ENTREP2: variants seen among roughly 807,000 people sequenced by gnomAD.
ENTREP2 encodes the protein protein ENTREP2.
chr15:29,304,037 TG>T, the ENTREP2 span, among the ~76,000 whole-genome samples: 2 of 152,024 alleles, frequency 1.3e-5, no homozygotes, highest in Non-Finnish European at 1.5e-5. Flanking sequence ...GCTGCCACCA[TG>T]CCCTGCTAAT....
chr15:29,478,203 T>A, the ENTREP2 span, among the ~76,000 whole-genome samples: 1 of 151,260 alleles, frequency 6.6e-6, no homozygotes, highest in African/African-American at 2.4e-5. Flanking sequence ...TTTTATTGTA[T>A]TTTTTAGTAG....
chr15:29,362,975 A>G, the ENTREP2 span, among the ~76,000 whole-genome samples: 1 of 152,210 alleles, frequency 6.6e-6, no homozygotes, highest in Non-Finnish European at 1.5e-5. Context: ...TAAATTTAAA[A>G]GAAGCGTATT....
At chr15:29,623,212 G>A in the ENTREP2 span, among the ~76,000 whole-genome samples, 1 of 152,122 alleles carries the variant, frequency 6.6e-6, no homozygotes, top group African/African-American at 2.4e-5. Context: ...GTTTCTCAAC[G>A]CTGAAACACA....
the ENTREP2 span, among the ~76,000 whole-genome samples, chr15:29,661,506 T>C: frequency 3.9e-5 from 6 of 152,326 alleles, no homozygotes; most frequent in South Asian, 1.2e-3. Flanking sequence ...GCCGAGAAGA[T>C]GTAATTTTAT....
chr15:29,269,150 T>C, the ENTREP2 span: 16 of 1,614,030 alleles, frequency 9.9e-6, no homozygotes, highest in Non-Finnish European at 1.2e-5. Context: ...TTCATAAAGA[T>C]GAGCCCTAAG....
the ENTREP2 span, among the ~76,000 whole-genome samples, chr15:29,133,919 G>A: frequency 1.3e-5 from 2 of 151,962 alleles, no homozygotes; most frequent in Non-Finnish European, 1.5e-5. Flanking sequence ...TGGGGGATAC[G>A]CTGTGCCTGT....
At chr15:29,551,458 C>T in the ENTREP2 span, among the ~76,000 whole-genome samples, 1 of 152,072 alleles carries the variant, frequency 6.6e-6, no homozygotes, top group African/African-American at 2.4e-5. Context: ...CATCTAAGAA[C>T]CCTGACCTCT....
chr15:29,491,160 G>A, the ENTREP2 span, among the ~76,000 whole-genome samples: 1 of 152,174 alleles, frequency 6.6e-6, no homozygotes, highest in Non-Finnish European at 1.5e-5. Flanking sequence ...GCACCAGTTG[G>A]CCACTCCGAG....
the ENTREP2 span, among the ~76,000 whole-genome samples, chr15:29,203,465 C>G: frequency 6.6e-6 from 1 of 152,136 alleles, no homozygotes; most frequent in African/African-American, 2.4e-5. Flanking sequence ...TCTGTTGTTT[C>G]CTGCCTTTTT....
At chr15:29,403,051 C>G in the ENTREP2 span, among the ~76,000 whole-genome samples, 1 of 152,106 alleles carries the variant, frequency 6.6e-6, no homozygotes, top group South Asian at 2.1e-4. Context: ...GGCGGCCAGT[C>G]TGAGTGAGAG....
At chr15:29,500,987 A>G in the ENTREP2 span, among the ~76,000 whole-genome samples, 1 of 152,062 alleles carries the variant, frequency 6.6e-6, no homozygotes, top group Non-Finnish European at 1.5e-5. Context: ...ATTCTTAGAA[A>G]CACACGATCT....
the ENTREP2 span, among the ~76,000 whole-genome samples, chr15:29,450,988 A>G: frequency 6.6e-6 from 1 of 152,174 alleles, no homozygotes; most frequent in African/African-American, 2.4e-5. Context: ...ATTCAGGAAA[A>G]AAAAAAACTG....
the ENTREP2 span, among the ~76,000 whole-genome samples, chr15:29,184,732 A>G: frequency 1.3e-5 from 2 of 152,080 alleles, no homozygotes; most frequent in Non-Finnish European, 2.9e-5. Context: ...AAATAATACT[A>G]GTAGGTTTTA....
At chr15:29,476,792 G>A in the ENTREP2 span, among the ~76,000 whole-genome samples, 11 of 152,254 alleles carry the variant, frequency 7.2e-5, no homozygotes, top group African/African-American at 1.4e-4. Flanking sequence ...AGCAAGGAGC[G>A]GCCAAACCTC....
the ENTREP2 span, among the ~76,000 whole-genome samples, chr15:29,207,408 C>A: frequency 6.7e-5 from 9 of 133,642 alleles, no homozygotes; most frequent in Admixed American, 7.1e-4. Context: ...AGCAAGAGAA[C>A]AGATCTTCCA....
At chr15:29,632,214 C>G in the ENTREP2 span, among the ~76,000 whole-genome samples, 1 of 152,156 alleles carries the variant, frequency 6.6e-6, no homozygotes, top group Non-Finnish European at 1.5e-5. Context: ...CTTGAGTTCT[C>G]GAACCAGGCT....
the ENTREP2 span, among the ~76,000 whole-genome samples, chr15:29,262,123 G>T: frequency 6.7e-6 from 1 of 149,914 alleles, no homozygotes; most frequent in Non-Finnish European, 1.5e-5. Flanking sequence ...AATTCTGGGA[G>T]TACAAAAAGA....
At chr15:29,351,134 C>T in the ENTREP2 span, among the ~76,000 whole-genome samples, 1 of 152,160 alleles carries the variant, frequency 6.6e-6, no homozygotes, top group Non-Finnish European at 1.5e-5. Context: ...ACCTAGATGG[C>T]ATAGCCTACT....
At chr15:29,187,783 G>A in the ENTREP2 span, among the ~76,000 whole-genome samples, 4 of 152,224 alleles carry the variant, frequency 2.6e-5, no homozygotes, top group African/African-American at 4.8e-5. Flanking sequence ...GCCAGAAAAA[G>A]ACAGGAGAAA....
Sources: allele counts gnomAD v4.1 joint callset (sites outside exome capture counted in the v4.1 genomes callset), GRCh38; gene constraint gnomAD v4.1.1; transcripts MANE v1.5; gene names NCBI Gene and HGNC (gene_info 2026-07-23, HGNC 2026-07-21).